Variants in ABCA10 observed in about 807,000 individuals in gnomAD.
The protein encoded by ABCA10 is ATP-binding cassette sub-family A member 10.
ABCA10 carries 169 observed loss-of-function variants against 187.5 expected under a neutral mutation model. That is an observed-to-expected ratio of 0.90 (90% CI 0.80 to 1.02). The LOEUF is 1.02. Ranked by LOEUF, ABCA10 falls within the 50% of genes least tolerant of loss-of-function variation. The probability of loss-of-function intolerance (pLI) is 0.00; values close to 1 mark genes in which losing one functional copy is unlikely to be tolerated. For synonymous variants in ABCA10, 574 were observed against 601.8 expected (o/e 0.95, Z 0.68); for missense variants, 1,727 against 1,812.4 (o/e 0.95, Z 0.86).
At chr17:69,216,761 CT>C (rs1413115133) in intron 6 of ABCA10, among the ~76,000 whole-genome samples, 1 of 152,028 alleles carries the variant, frequency 6.6e-6, no homozygotes, top group Non-Finnish European at 1.5e-5. Flanking sequence ...ACAATCTCCC[CT>C]TTAAACTTCC....
intron 34 of ABCA10, 46 bp from the exon 35 acceptor site, chr17:69,152,527 G>A: frequency 1.3e-6 from 2 of 1,562,824 alleles, no homozygotes; most frequent in Non-Finnish European, 1.7e-6. Context: ...AGTAATTTGG[G>A]GAAATAGATA....
intron 17 of ABCA10, 61 bp from the exon 18 acceptor site, chr17:69,190,538 C>G (rs1237806864): frequency 6.4e-6 from 9 of 1,402,568 alleles, no homozygotes; most frequent in Middle Eastern, 2.1e-4. Flanking sequence ...TATTAAAATA[C>G]TAATTTCTAA....
intron 5 of ABCA10, among the ~76,000 whole-genome samples, 156 bp downstream of exon 5, chr17:69,221,636 G>A (rs1169717917): frequency 6.6e-6 from 1 of 152,130 alleles, no homozygotes; most frequent in Non-Finnish European, 1.5e-5. Flanking sequence ...GTTAGAAGTT[G>A]GGAGATATTC....
At chr17:69,218,128 A>T (rs1264388813) in intron 6 of ABCA10, among the ~76,000 whole-genome samples, 1 of 152,158 alleles carries the variant, frequency 6.6e-6, no homozygotes. Context: ...AGTATATACA[A>T]CTATGATGCA....
At chr17:69,178,359 G>C (rs2074352963) in intron 22 of ABCA10, among the ~76,000 whole-genome samples, 1 of 152,142 alleles carries the variant, frequency 6.6e-6, no homozygotes, top group African/African-American at 2.4e-5. Flanking sequence ...TGTGGAGATA[G>C]TGACTCTTCT....
chr17:69,202,082 TATA>T (rs1390816451), intron 9 of ABCA10, among the ~76,000 whole-genome samples: 3 of 152,110 alleles, frequency 2.0e-5, no homozygotes, highest in African/African-American at 7.2e-5. Context: ...CGTGCCCGGC[TATA>T]ATGTTAAAAA....
intron 25 of ABCA10, among the ~76,000 whole-genome samples, chr17:69,168,179 G>A (rs981450119): frequency 1.6e-4 from 24 of 152,058 alleles, no homozygotes; most frequent in Middle Eastern, 3.4e-3. Context: ...CAAAATACAC[G>A]TTAAGCAACT....
At chr17:69,182,056 C>A in intron 22 of ABCA10, 97 bp downstream of exon 22, 1 of 1,242,548 alleles carries the variant, frequency 8.0e-7, no homozygotes, top group Non-Finnish European at 1.0e-6. Flanking sequence ...TGTTAAGTGG[C>A]AGAAACAAGA....
In ABCA10 at chr17:69,155,066, C is replaced by A. The variant is rs72853603; in HGVS notation, c.3647G>T (p.Arg1216Ile). 8,941 of 1,612,142 alleles carry A rather than the reference C, an allele frequency of 5.5e-3. 48 individuals are homozygous for A. The highest frequency in any genetic ancestry group is 6.8e-3 in the Non-Finnish European group (7,994 of 1,178,782). The part of the protein sequence containing the change: ...YETKKSCFST[R>I]KKKIAIRNVS... Reference sequence around the variant, plus strand: ...ATTTCTGATGGCTATTTTCTTCTTTCTTGTTGAAAAGCAACTTTTCTTTGT... The same window carrying A: ...ATTTCTGATGGCTATTTTCTTCTTTATTGTTGAAAAGCAACTTTTCTTTGT... The change falls in exon 30 of 39, where the codon AGA (arginine) becomes ATA (isoleucine). Residue 1216 changes from arginine to isoleucine, a missense_variant. Coordinates refer to ENST00000690296, the MANE Select transcript of ABCA10 (RefSeq NM_001377321.1).
At chr17:69,215,069 GA>G (rs2074693770) in intron 8 of ABCA10, among the ~76,000 whole-genome samples, 2 of 152,016 alleles carry the variant, frequency 1.3e-5, no homozygotes, top group African/African-American at 4.8e-5. Flanking sequence ...AAACAAAAAA[GA>G]GAAATTAACT....
At position 69,165,019 on chromosome 17, in the gene ABCA10, C is replaced by T. The variant is rs769179102; in HGVS notation, c.3227G>A (p.Cys1076Tyr). 1 of 1,612,314 alleles carries T rather than the reference C, an allele frequency of 6.2e-7. No homozygotes were observed. Among genetic ancestry groups the T allele is most frequent in the Non-Finnish European group, 8.5e-7 (1 of 1,178,648 alleles). The change falls in exon 26 of 39, where the codon TGC becomes TAC. Residue 1076 changes from cysteine to tyrosine, a missense_variant. Transcript: ENST00000690296. ...AGTGAAGGAAGGTATGAAAATCATG[C>T]ACAAAATTAAGTTGAGTTTTTCATA... ...TQYEKLNLIL[C>Y]MIFIPSFTLL... is the part of the protein sequence containing the mutation.
chr17:69,168,245 A>G (rs142950701), intron 25 of ABCA10, among the ~76,000 whole-genome samples: 281 of 152,284 alleles, frequency 1.8e-3, no homozygotes, highest in African/African-American at 6.3e-3. Flanking sequence ...AGTTTTAGAG[A>G]GTCAAAAGTT....
At chr17:69,180,707 A>G (rs1188096845) in intron 22 of ABCA10, among the ~76,000 whole-genome samples, 1 of 152,178 alleles carries the variant, frequency 6.6e-6, no homozygotes, top group African/African-American at 2.4e-5. Context: ...CCAGAGAGAC[A>G]CTGTATTGTT....
Position 69,184,289 on chromosome 17 carries a change from T to TCTATGGCC in ABCA10, c.2497+1180_2497+1187dup, listed in dbSNP as rs2074403785. Among the ~76,000 whole-genome samples, 5 of 152,196 alleles carry TCTATGGCC rather than the reference T, an allele frequency of 3.3e-5. No individual in the cohort carries two copies. In the South Asian group the frequency reaches 1.0e-3, roughly 32 times the overall value. Reference sequence around the variant, plus strand: ...CTGGTAAACATAATCTCTTGGAAGTTCTATGGCCCTGACCCACCACCTGAG... The same window carrying TCTATGGCC: ...CTGGTAAACATAATCTCTTGGAAGTTCTATGGCCCTATGGCCCTGACCCACCACCTGAG... On this transcript the variant is annotated intron_variant, in intron 20 of 38. Coordinates refer to ENST00000690296, the MANE Select transcript of ABCA10 (RefSeq NM_001377321.1).
chr17:69,207,975 AG>A (rs1298171895), intron 9 of ABCA10, among the ~76,000 whole-genome samples: 1 of 152,252 alleles, frequency 6.6e-6, no homozygotes, highest in Non-Finnish European at 1.5e-5. Context: ...TTAATTAGCT[AG>A]ATTTGACTAA....
In ABCA10 at chr17:69,216,220, A is replaced by G. The variant is rs746562838; in HGVS notation, c.669T>C (p.Ser223=). The part of the protein sequence containing the change: ...IFTLYSLYGL[S]LIALAFLMSV... ...TAATATGCTTTTACCAACTCACCAA[A>G]GAAAGGCCATATAAGCTATAGAGTG... Residue 223 remains serine (S), a synonymous_variant, in exon 7 of 39, where the codon TCT becomes TCC. Coordinates refer to ENST00000690296, the MANE Select transcript of ABCA10 (RefSeq NM_001377321.1). The G allele has an allele frequency of 6.2e-7, 1 of 1,607,628 alleles. No homozygotes were observed. Among genetic ancestry groups the G allele is most frequent in the East Asian group, 2.2e-5 (1 of 44,790 alleles).
intron 9 of ABCA10, among the ~76,000 whole-genome samples, chr17:69,202,371 T>C (rs958723139): frequency 2.0e-5 from 3 of 152,182 alleles, no homozygotes; most frequent in African/African-American, 7.2e-5. Flanking sequence ...TATAATTCAC[T>C]GTAAAATAAA....
At chr17:69,206,700 C>G (rs2074594283) in intron 9 of ABCA10, among the ~76,000 whole-genome samples, 1 of 152,168 alleles carries the variant, frequency 6.6e-6, no homozygotes, top group Non-Finnish European at 1.5e-5. Context: ...GATTTTTCAA[C>G]TTTTCAATAG....
intron 36 of ABCA10, among the ~76,000 whole-genome samples, chr17:69,151,089 C>A (rs1304225683): frequency 6.6e-6 from 1 of 152,206 alleles, no homozygotes; most frequent in Admixed American, 6.5e-5. Flanking sequence ...TCAATGACCT[C>A]TTCCTTCTCT....
Sources: allele counts gnomAD v4.1 joint callset (sites outside exome capture counted in the v4.1 genomes callset), GRCh38; gene constraint gnomAD v4.1.1; transcripts MANE v1.5; gene names NCBI Gene and HGNC (gene_info 2026-07-23, HGNC 2026-07-21).